The following DNAH11 variants were observed in gnomAD, a reference collection of about 807,000 sequenced individuals.
DNAH11 encodes the protein dynein axonemal heavy chain 11.
In DNAH11, 442 loss-of-function variants were observed where a neutral mutation model predicts 526.0. That is an observed-to-expected ratio of 0.84 (90% CI 0.78 to 0.91). DNAH11 has a LOEUF of 0.91. Ranked by LOEUF, DNAH11 falls within the 40% of genes least tolerant of loss-of-function variation. The probability of loss-of-function intolerance (pLI) is 0.00; values close to 1 mark genes in which losing one functional copy is unlikely to be tolerated. For missense variants in DNAH11, 6,989 were observed against 5,448.7 expected, an observed-to-expected ratio of 1.28 and a Z score of -8.90; for synonymous variants, 2,461 against 1,935.9, an observed-to-expected ratio of 1.27 and a Z score of -7.12.
At chr7:21,649,620 C>A (rs563056250) in intron 28 of DNAH11, among the ~76,000 whole-genome samples, 41 of 151,556 alleles carry the variant, frequency 2.7e-4, no homozygotes, top group African/African-American at 7.5e-4. Flanking sequence ...AACTGGCATG[C>A]ACCATGAGGA....
chr7:21,858,911 G>C (rs1782955437), intron 68 of DNAH11, among the ~76,000 whole-genome samples: 1 of 152,096 alleles, frequency 6.6e-6, no homozygotes, highest in South Asian at 2.1e-4. Context: ...TAAATATCAG[G>C]TTAGTACAGA....
rs1784705355 is a variant in DNAH11 at position 21,900,086 on chromosome 7, G to C, written c.13269G>C (p.Arg4423Ser). Reference protein sequence around the residue: ...KTKEDYGHPPREGAYLHGLFM... With the variant: ...KTKEDYGHPPSEGAYLHGLFM... ...AGGAAGATTATGGACACCCGCCAAG[G>C]GAAGGTGCATACCTCCACGGACTCT... is the stretch of plus-strand genomic sequence containing the variant. The change falls in exon 81 of 82, where the codon AGG becomes AGC. Residue 4423 changes from arginine (R) to serine (S), a missense_variant. Arg to Ser is a moderately radical substitution (Grantham distance 110). Coordinates refer to ENST00000409508, the MANE Select transcript of DNAH11 (RefSeq NM_001277115.2). 6.2e-7 allele frequency: 1 copy of C among 1,613,910 alleles called. No individual in the cohort carries two copies. The highest frequency in any genetic ancestry group is 2.2e-5 in the East Asian group (1 of 44,870).
intron 24 of DNAH11, 86 bp downstream of exon 24, chr7:21,619,308 G>A: frequency 6.8e-7 from 1 of 1,480,638 alleles, no homozygotes. Context: ...TCCTTTTGAT[G>A]TCCTGGGAGC....
chr7:21,721,918 CT>C (rs1784893302), intron 44 of DNAH11, among the ~76,000 whole-genome samples: 1 of 152,138 alleles, frequency 6.6e-6, no homozygotes, highest in Non-Finnish European at 1.5e-5. Flanking sequence ...GGGTCAATTC[CT>C]TTTTCACTGA....
In DNAH11 at chr7:21,832,163, A is replaced by G. The variant is rs938756120; in HGVS notation, c.10692-10381A>G. Among the ~76,000 whole-genome samples the G allele has an allele frequency of 3.9e-5, 6 of 151,986 alleles. 1 individual carries two copies. The East Asian group carries it at 9.7e-4, about 25-fold the overall frequency. On this transcript the variant is annotated intron_variant, in intron 65 of 81. Coordinates refer to ENST00000409508, the MANE Select transcript of DNAH11 (RefSeq NM_001277115.2). The stretch of plus-strand genomic sequence containing the variant: ...ACCTCATGCTTCTTTTAATTGGGGC[A>G]TTTAGTCCATTTACATTTAAGGTTA...
Position 21,687,390 on chromosome 7 carries a change from C to A in DNAH11, c.5787C>A (p.Gly1929=). 6.2e-7 allele frequency: 1 copy of A among 1,610,584 alleles called. No homozygotes were observed. The change falls in exon 34 of 82, where the codon GGC becomes GGA. Residue 1929 remains glycine, a synonymous_variant. Coordinates refer to ENST00000409508, the MANE Select transcript of DNAH11 (RefSeq NM_001277115.2). ...CTCACTTTATCATTTAGTCCATAGG[C>A]AATATCTATAAGGGATTGGTGCAGA... ...CSEQMDYKSI[G]NIYKGLVQTG...
chr7:21,787,268 A>G, intron 59 of DNAH11, 133 bp from the exon 60 acceptor site: 1 of 782,164 alleles, frequency 1.3e-6, no homozygotes, highest in Non-Finnish European at 2.0e-6. Flanking sequence ...GAAAAAGTCA[A>G]ACAGTAGGAT....
chr7:21,890,915 C>CAAAATA (rs796740933), intron 76 of DNAH11, among the ~76,000 whole-genome samples: 22 of 152,026 alleles, frequency 1.4e-4, no homozygotes, highest in African/African-American at 4.3e-4. Flanking sequence ...CCTCCCGGTA[C>CAAAATA]AAAATAAAAA....
At chr7:21,796,021 T>C (rs889853595) in intron 61 of DNAH11, among the ~76,000 whole-genome samples, 1 of 152,116 alleles carries the variant, frequency 6.6e-6, no homozygotes, top group Non-Finnish European at 1.5e-5. Flanking sequence ...TAAATGTCAG[T>C]GTGTGGGGTC....
chr7:21,607,496 G>T (rs7803149), intron 20 of DNAH11, among the ~76,000 whole-genome samples: 69,276 of 151,976 alleles, frequency 0.46, 16,628 homozygotes, highest in East Asian at 0.79. Context: ...GTAATCATAC[G>T]AGAGACAGTA....
At chr7:21,669,410 A>G (rs1782550126) in intron 30 of DNAH11, among the ~76,000 whole-genome samples, 1 of 152,130 alleles carries the variant, frequency 6.6e-6, no homozygotes, top group Admixed American at 6.6e-5. Context: ...ACCTCAAATG[A>G]TCCTCCTGCC....
Position 21,636,077 on chromosome 7 carries a change from G to A in DNAH11, c.4707G>A (p.Gly1569=). The change falls in exon 26 of 82, where the codon GGG becomes GGA. Residue 1569 remains glycine, a synonymous_variant. Transcript: ENST00000409508. ...QLVKDARRFD[G]VDAEFKELMF... ...TGAAAGATGCTAGAAGATTTGATGG[G>A]GTGGATGCTGAATTTAAGGTTTGTC... The A allele has an allele frequency of 2.5e-6, 4 of 1,610,632 alleles. No individual in the cohort carries two copies. The highest frequency in any genetic ancestry group is 3.4e-6 in the Non-Finnish European group (4 of 1,177,820).
chr7:21,707,660 TA>T lies in DNAH11; in HGVS notation c.6547-38del, dbSNP rs768182215. Reference sequence around the variant, plus strand: ...CTTTTACTTTCCATTTGGCTTATGTTAGTATTAATTTTTTTGGCTCTTTCCT... The same window carrying T: ...CTTTTACTTTCCATTTGGCTTATGTTGTATTAATTTTTTTGGCTCTTTCCT... On this transcript the variant is annotated intron_variant, in intron 39 of 81. Transcript: ENST00000409508. The T allele has an allele frequency of 1.9e-6, 3 of 1,597,674 alleles. No homozygotes were observed. In the South Asian group the frequency reaches 3.4e-5, roughly 18 times the overall value.
intron 56 of DNAH11, 85 bp from the exon 57 acceptor site, chr7:21,778,873 C>T (rs1787802407): frequency 3.3e-6 from 5 of 1,493,228 alleles, no homozygotes; most frequent in Admixed American, 1.9e-5. Context: ...GTTAGAGATC[C>T]CTGAATTCAT....
At chr7:21,892,119 A>G (rs577515906) in intron 76 of DNAH11, among the ~76,000 whole-genome samples, 1 of 152,254 alleles carries the variant, frequency 6.6e-6, no homozygotes, top group Admixed American at 6.5e-5. Context: ...GGAGTGTGTT[A>G]TAGGGTAGCC....
chr7:21,586,056 C>T lies in DNAH11; in HGVS notation c.1711-2008C>T, dbSNP rs560364467. On this transcript the variant is annotated intron_variant, in intron 9 of 81. Transcript: ENST00000409508. Reference sequence around the variant, plus strand: ...ATACATTTTGCATGACAAACAATTACAATAATGTATACTGCCTAAAACATT... The same window carrying T: ...ATACATTTTGCATGACAAACAATTATAATAATGTATACTGCCTAAAACATT... Among the ~76,000 whole-genome samples, 134 of 152,280 alleles carry T rather than the reference C, an allele frequency of 8.8e-4. 1 individual carries two copies. The highest frequency in any genetic ancestry group is 3.0e-3 in the African/African-American group (124 of 41,544).
At chr7:21,754,564 T>TC (rs74730567) in intron 54 of DNAH11, among the ~76,000 whole-genome samples, 9,896 of 151,254 alleles carry the variant, frequency 0.065, 362 homozygotes, top group Middle Eastern at 0.12. Context: ...GTGGATAATT[T>TC]CCCCCCCCAC....
At chr7:21,864,145 CTAA>C (rs1368788674) in intron 69 of DNAH11, among the ~76,000 whole-genome samples, 1 of 152,180 alleles carries the variant, frequency 6.6e-6, no homozygotes, top group Non-Finnish European at 1.5e-5. Flanking sequence ...CCAGAATTAA[CTAA>C]TAATACTGGT....
Position 21,866,467 on chromosome 7 carries a change from C to G in DNAH11, c.11497-3C>G. On this transcript the variant is annotated splice_polypyrimidine_tract_variant and splice_region_variant and intron_variant, in intron 70 of 81. Transcript: ENST00000409508. ...TCCTACTTGTTTCCCTATCATATTA[C>G]AGGCAATTGCCGTCATGGAAGAATT... is the stretch of plus-strand genomic sequence containing the variant. 7 of 1,607,234 alleles carry G rather than the reference C, an allele frequency of 4.4e-6. No homozygotes were observed. The highest frequency in any genetic ancestry group is 5.9e-6 in the Non-Finnish European group (7 of 1,177,408).
Sources: gnomAD v4.1 joint callset for allele counts (sites outside exome capture counted in the v4.1 genomes callset) on GRCh38, gnomAD v4.1.1 for gene constraint, MANE v1.5 for transcripts, NCBI Gene and HGNC (gene_info 2026-07-23, HGNC 2026-07-21) for gene names.